ITPR2: variants seen among roughly 807,000 people sequenced by gnomAD.
ITPR2 encodes the protein inositol 1,4,5-trisphosphate-gated calcium channel ITPR2.
ITPR2 carries 207 observed loss-of-function variants against 317.1 expected under a neutral mutation model. That is an observed-to-expected ratio of 0.65 (90% CI 0.58 to 0.73). The LOEUF is 0.73. ITPR2 is among the 30% of genes least tolerant of loss of function. ITPR2 has a pLI of 0.00. For synonymous variants in ITPR2, 1,156 were observed against 1,149.1 expected (o/e 1.01, Z -0.12); for missense variants, 2,613 against 3,284.0 (o/e 0.80, Z 4.99).
At chr12:26,549,512 C>CAAA (rs1329042494) in intron 37 of ITPR2, among the ~76,000 whole-genome samples, 1 of 151,914 alleles carries the variant, frequency 6.6e-6, no homozygotes. Context: ...CGAAACAGAC[C>CAAA]AAAAAGTTAT....
intron 32 of ITPR2, among the ~76,000 whole-genome samples, chr12:26,585,385 T>G (rs1945499343): frequency 6.6e-6 from 1 of 152,200 alleles, no homozygotes; most frequent in Admixed American, 6.5e-5. Flanking sequence ...TATTAAATAT[T>G]TAAGCTATTT....
chr12:26,729,906 G>A (rs1245035016), intron 2 of ITPR2, among the ~76,000 whole-genome samples: 5 of 152,018 alleles, frequency 3.3e-5, no homozygotes, highest in Non-Finnish European at 7.4e-5. Flanking sequence ...AAACCCCCAT[G>A]ACACAAGTTT....
intron 42 of ITPR2, among the ~76,000 whole-genome samples, chr12:26,482,777 TGTGTGTGCATAGACACC>T (rs1942575148): frequency 6.6e-6 from 1 of 152,224 alleles, no homozygotes; most frequent in African/African-American, 2.4e-5. Context: ...TAAATGTATG[TGTGTGTGCATAGACACC>T]GTGTGTATGT....
chr12:26,388,126 C>T (rs1161196095), intron 54 of ITPR2, among the ~76,000 whole-genome samples: 1 of 152,178 alleles, frequency 6.6e-6, no homozygotes, highest in Non-Finnish European at 1.5e-5. Flanking sequence ...ACTATGCCAG[C>T]CCTCTAGGGT....
chr12:26,734,378 C>A (rs1949080463), intron 2 of ITPR2, among the ~76,000 whole-genome samples: 1 of 152,084 alleles, frequency 6.6e-6, no homozygotes, highest in Admixed American at 6.5e-5. Flanking sequence ...AGATTCCTTG[C>A]TGAAATTATC....
At chr12:26,467,357 A>ATC (rs914674592) in intron 45 of ITPR2, among the ~76,000 whole-genome samples, 21 of 150,344 alleles carry the variant, frequency 1.4e-4, no homozygotes, top group African/African-American at 3.9e-4. Flanking sequence ...CTCTTTCTCT[A>ATC]TCTCTCTCTC....
intron 9 of ITPR2, among the ~76,000 whole-genome samples, chr12:26,706,073 C>G (rs935763762): frequency 3.7e-4 from 57 of 152,188 alleles, no homozygotes; most frequent in Admixed American, 1.1e-3. Context: ...TCAATTTCTT[C>G]TAGTCACTTC....
chr12:26,369,505 T>C lies in ITPR2; in HGVS notation c.7857+17929A>G, dbSNP rs116977582. On this transcript the variant is annotated intron_variant, in intron 55 of 56. Coordinates refer to ENST00000381340, the MANE Select transcript of ITPR2 (RefSeq NM_002223.4). ...GAATGTACATCGTGTATAAGAGGGA[T>C]AGAGGAATGAGAAGGGCTAACTTTC... Among the ~76,000 whole-genome samples the C allele has an allele frequency of 3.3e-3, 499 of 152,298 alleles. 1 individual carries two copies. The highest frequency in any genetic ancestry group is 5.7e-3 in the Non-Finnish European group (391 of 68,042).
chr12:26,377,982 C>T (rs1405028355), intron 55 of ITPR2, among the ~76,000 whole-genome samples: 2 of 151,952 alleles, frequency 1.3e-5, no homozygotes, highest in African/African-American at 4.8e-5. Flanking sequence ...TTAGTGCCTT[C>T]GACCAGAAAG....
In ITPR2 at chr12:26,486,888, G is replaced by A. The variant is rs932098770; in HGVS notation, c.5554+180C>T. On this transcript the variant is annotated intron_variant, in intron 40 of 56. Coordinates refer to ENST00000381340, the MANE Select transcript of ITPR2 (RefSeq NM_002223.4). ...TTTGCACTGATTATGTCTCATTTAA[G>A]TTTAGTCCTGCAGAGCCGTTTTAGG... The A allele has an allele frequency of 7.1e-6, 5 of 705,870 alleles. No homozygotes were observed. The African/African-American group carries it at 8.7e-5, about 12-fold the overall frequency. 43.7% of individuals were successfully genotyped at this position (705,870 alleles called of 1,614,324 possible). A position where few individuals can be genotyped will look rare whatever the true frequency, so the allele number is the denominator to read the frequency against.
At chr12:26,741,458 C>A (rs922271503) in intron 2 of ITPR2, among the ~76,000 whole-genome samples, 3 of 152,158 alleles carry the variant, frequency 2.0e-5, no homozygotes, top group African/African-American at 7.2e-5. Context: ...CAGTTTTATA[C>A]ACATGTTTTA....
In ITPR2 at chr12:26,516,265, AGGAAAGGAAGGGAAGGGAAG is replaced by A. The variant is rs1943497928; in HGVS notation, c.5074-21025_5074-21006del. Among the ~76,000 whole-genome samples the A allele has an allele frequency of 9.6e-4, 33 of 34,448 alleles. 4 individuals are homozygous for A. Among genetic ancestry groups the A allele is most frequent in the African/African-American group, 2.0e-3 (24 of 11,728 alleles). 22.6% of individuals were successfully genotyped at this position (34,448 alleles called of 152,430 possible). A position where few individuals can be genotyped will look rare whatever the true frequency, so the allele number is the denominator to read the frequency against. On this transcript the variant is annotated intron_variant, in intron 37 of 56. Transcript: ENST00000381340. ...AGGAAAGGAAAGGAAAGGAAAGGAA[AGGAAAGGAAGGGAAGGGAAG>A]GGAAAGGAAAGGAAAGGAAAGGAAA...
At chr12:26,724,326 A>G (rs12582913) in intron 4 of ITPR2, among the ~76,000 whole-genome samples, 73,981 of 152,042 alleles carry the variant, frequency 0.49, 18,771 homozygotes, top group Non-Finnish European at 0.54. Context: ...GCTAAGCTCC[A>G]TATGTTAAAC....
intron 13 of ITPR2, among the ~76,000 whole-genome samples, chr12:26,675,261 G>A (rs9668426): frequency 2.2e-4 from 33 of 152,090 alleles, no homozygotes; most frequent in African/African-American, 6.5e-4. Context: ...TGTTTATTGC[G>A]GCACTATTCA....
chr12:26,520,030 G>A (rs533782947), intron 37 of ITPR2, among the ~76,000 whole-genome samples: 1 of 152,268 alleles, frequency 6.6e-6, no homozygotes, highest in African/African-American at 2.4e-5. Flanking sequence ...ATGGGAACAC[G>A]GTGCAAGGGC....
intron 13 of ITPR2, among the ~76,000 whole-genome samples, chr12:26,674,243 T>C (rs902179301): frequency 6.6e-6 from 1 of 151,776 alleles, no homozygotes; most frequent in African/African-American, 2.4e-5. Context: ...GCCAAGTCAA[T>C]CCTAAGCCAA....
intron 45 of ITPR2, among the ~76,000 whole-genome samples, chr12:26,448,507 A>G (rs1203187801): frequency 6.6e-6 from 1 of 152,182 alleles, no homozygotes; most frequent in African/African-American, 2.4e-5. Context: ...TTTAGCAACA[A>G]GGAACACTTA....
At position 26,409,146 on chromosome 12, in the gene ITPR2, C is replaced by T. The variant is rs74072158; in HGVS notation, c.7399+2174G>A. The stretch of plus-strand genomic sequence containing the variant: ...TTGAGACTGTGACAGACTCTGCAAG[C>T]TGCTGAAAAATGCTGTTTGACACCA... On this transcript the variant is annotated intron_variant, in intron 52 of 56. Coordinates refer to ENST00000381340, the MANE Select transcript of ITPR2 (RefSeq NM_002223.4). Among the ~76,000 whole-genome samples the T allele has an allele frequency of 7.6e-3, 1,163 of 152,194 alleles. 12 individuals are homozygous for T. Among genetic ancestry groups the T allele is most frequent in the African/African-American group, 0.027 (1,102 of 41,526 alleles).
chr12:26,798,895 G>A (rs1337570802), intron 1 of ITPR2, among the ~76,000 whole-genome samples: 1 of 152,132 alleles, frequency 6.6e-6, no homozygotes, highest in African/African-American at 2.4e-5. Flanking sequence ...ATTCATTCAT[G>A]GCTACACTCA....
Sources: allele counts gnomAD v4.1 joint callset (sites outside exome capture counted in the v4.1 genomes callset), GRCh38; gene constraint gnomAD v4.1.1; transcripts MANE v1.5; gene names NCBI Gene and HGNC (gene_info 2026-07-23, HGNC 2026-07-21).